KCNG3: variants seen among roughly 807,000 people sequenced by gnomAD.
The protein encoded by KCNG3 is voltage-gated potassium channel regulatory subunit KCNG3.
Under a neutral mutation model 29.0 loss-of-function variants are expected in KCNG3, and 15 were observed. The ratio of observed to expected loss-of-function variants is 0.52; its 90% confidence interval spans 0.35 to 0.80. The LOEUF is 0.80. Ranked by LOEUF, KCNG3 falls within the 30% of genes least tolerant of loss-of-function variation. The probability of loss-of-function intolerance (pLI) is 0.01; values close to 1 mark genes in which losing one functional copy is unlikely to be tolerated. For synonymous variants in KCNG3, 322 were observed against 248.9 expected (o/e 1.29, Z -2.76); for missense variants, 512 against 605.7 (o/e 0.85, Z 1.62).
rs182326472 is a variant in KCNG3 at position 42,462,527 on chromosome 2, C to A, written c.666-17948G>T. Among the ~76,000 whole-genome samples the A allele has an allele frequency of 2.1e-3, 315 of 152,064 alleles. 1 individual carries two copies. The highest frequency in any genetic ancestry group is 3.1e-3 in the Non-Finnish European group (214 of 67,984). On this transcript the variant is annotated intron_variant, in intron 1 of 1. Transcript: ENST00000306078. Reference sequence around the variant, plus strand: ...TTAAACCCCGTCTCTACTAAAAATACAAAAATTAGCCGGGCGTGGTGGCAC... The same window carrying A: ...TTAAACCCCGTCTCTACTAAAAATAAAAAAATTAGCCGGGCGTGGTGGCAC...
At chr2:42,421,681 T>TGC in the KCNG3 span, among the ~76,000 whole-genome samples, 1 of 152,128 alleles carries the variant, frequency 6.6e-6, no homozygotes, top group Non-Finnish European at 1.5e-5. Context: ...CACTAGGAGT[T>TGC]GCAAATGGAG....
chr2:42,451,334 T>G (rs1201106233), intron 1 of KCNG3, among the ~76,000 whole-genome samples: 1 of 152,024 alleles, frequency 6.6e-6, no homozygotes, highest in African/African-American at 2.4e-5. Context: ...TCTCAGCACT[T>G]TGGGAGGCTG....
At chr2:42,468,206 T>C (rs184452528) in intron 1 of KCNG3, among the ~76,000 whole-genome samples, 1 of 152,268 alleles carries the variant, frequency 6.6e-6, no homozygotes, top group Admixed American at 6.5e-5. Flanking sequence ...AAGACAAAGG[T>C]ATTATAAAGG....
the KCNG3 span, among the ~76,000 whole-genome samples, chr2:42,436,389 T>A: frequency 1.3e-5 from 2 of 152,194 alleles, no homozygotes; most frequent in Non-Finnish European, 2.9e-5. Context: ...ACGAATTATG[T>A]CTCATCTTTT....
At chr2:42,462,336 C>G (rs1252631417) in intron 1 of KCNG3, among the ~76,000 whole-genome samples, 1 of 152,238 alleles carries the variant, frequency 6.6e-6, no homozygotes, top group Non-Finnish European at 1.5e-5. Flanking sequence ...CTATCACACC[C>G]TGCAGACCTT....
At chr2:42,491,330 T>C (rs1673871157) in intron 1 of KCNG3, among the ~76,000 whole-genome samples, 2 of 152,150 alleles carry the variant, frequency 1.3e-5, no homozygotes, top group Admixed American at 1.3e-4. Context: ...ATTTGAGGTA[T>C]TTTACTGGTT....
At chr2:42,490,190 G>C (rs995199931) in intron 1 of KCNG3, among the ~76,000 whole-genome samples, 3 of 152,054 alleles carry the variant, frequency 2.0e-5, no homozygotes, top group African/African-American at 7.2e-5. Context: ...TCTTGCCCAC[G>C]ATGTTCCTTT....
At chr2:42,460,609 C>T (rs1376071300) in intron 1 of KCNG3, among the ~76,000 whole-genome samples, 1 of 152,018 alleles carries the variant, frequency 6.6e-6, no homozygotes, top group Non-Finnish European at 1.5e-5. Flanking sequence ...GAGAAAGTGG[C>T]GATTTAATTT....
chr2:42,480,438 A>G (rs1307692507), intron 1 of KCNG3, among the ~76,000 whole-genome samples: 2 of 152,170 alleles, frequency 1.3e-5, no homozygotes, highest in African/African-American at 4.8e-5. Context: ...TGTTTCCTAT[A>G]AAGGGCCAGA....
intron 1 of KCNG3, among the ~76,000 whole-genome samples, chr2:42,461,182 C>CAA (rs34199989): frequency 0.18 from 10,419 of 56,524 alleles, 1,345 homozygotes; most frequent in East Asian, 0.38. Flanking sequence ...CAAAACAAAA[C>CAA]AAAAAAAAAA....
chr2:42,412,568 C>G, the KCNG3 span, among the ~76,000 whole-genome samples: 1 of 152,008 alleles, frequency 6.6e-6, no homozygotes, highest in African/African-American at 2.4e-5. Context: ...TATTTTAACG[C>G]TTTTATTGGA....
At chr2:42,423,978 T>C in the KCNG3 span, among the ~76,000 whole-genome samples, 6 of 152,330 alleles carry the variant, frequency 3.9e-5, no homozygotes, top group African/African-American at 1.2e-4. Context: ...AGCTAGCTCC[T>C]GTAAAATAAC....
chr2:42,399,797 G>A, the KCNG3 span, among the ~76,000 whole-genome samples: 1 of 152,126 alleles, frequency 6.6e-6, no homozygotes, highest in Non-Finnish European at 1.5e-5. Flanking sequence ...TAGGGAGAAT[G>A]GGCTTCTATG....
the KCNG3 span, among the ~76,000 whole-genome samples, chr2:42,430,843 C>G: frequency 6.6e-6 from 1 of 152,084 alleles, no homozygotes; most frequent in Non-Finnish European, 1.5e-5. Context: ...GGAGTGGTGG[C>G]TCACACATGT....
the KCNG3 span, among the ~76,000 whole-genome samples, chr2:42,418,079 T>C: frequency 1.8e-4 from 27 of 152,206 alleles, no homozygotes; most frequent in African/African-American, 4.8e-4. Context: ...TTAAGTGGCA[T>C]TAAGTATATT....
In KCNG3 at chr2:42,493,651, G is replaced by GC. The variant is rs1673982898; in HGVS notation, c.-151dup. 1 of 576,838 alleles carries GC rather than the reference G, an allele frequency of 1.7e-6. No homozygotes were observed. Among genetic ancestry groups the GC allele is most frequent in the Non-Finnish European group, 2.5e-6 (1 of 397,092 alleles). 35.7% of individuals were successfully genotyped at this position (576,838 alleles called of 1,614,324 possible). ...GGGGCTCCGCTCCTGCCCTCCGCTG[G>GC]CCCGGGGGTCCCTGGGCTCGAGTAT... On this transcript the variant is annotated 5_prime_UTR_variant, in exon 1 of 2. Coordinates refer to ENST00000306078, the MANE Select transcript of KCNG3 (RefSeq NM_133329.6).
intron 1 of KCNG3, among the ~76,000 whole-genome samples, chr2:42,477,132 C>T (rs1015513534): frequency 6.8e-6 from 1 of 146,100 alleles, no homozygotes; most frequent in Non-Finnish European, 1.5e-5. Flanking sequence ...GCGGAGGTTG[C>T]AGGGAGCTGA....
Position 42,476,957 on chromosome 2 carries a change from G to A in KCNG3, c.665+15880C>T, listed in dbSNP as rs182144324. ...TCCCAGCACTTTGGGAGGCTGAGAC[G>A]GCGAGATCACGAGGTCCGGAGATCG... is the stretch of plus-strand genomic sequence containing the variant. On this transcript the variant is annotated intron_variant, in intron 1 of 1. Coordinates refer to ENST00000306078, the MANE Select transcript of KCNG3 (RefSeq NM_133329.6). Among the ~76,000 whole-genome samples, 721 of 148,506 alleles carry A rather than the reference G, an allele frequency of 4.9e-3. 5 individuals are homozygous for A. Among genetic ancestry groups the A allele is most frequent in the Non-Finnish European group, 7.9e-3 (528 of 66,948 alleles).
the KCNG3 span, among the ~76,000 whole-genome samples, chr2:42,397,104 G>A: frequency 2.0e-5 from 3 of 152,060 alleles, no homozygotes; most frequent in Non-Finnish European, 4.4e-5. Flanking sequence ...ACTTAGCCAG[G>A]CGTGGTGGCA....
Sources: allele counts gnomAD v4.1 joint callset (sites outside exome capture counted in the v4.1 genomes callset), GRCh38; gene constraint gnomAD v4.1.1; transcripts MANE v1.5; gene names NCBI Gene and HGNC (gene_info 2026-07-23, HGNC 2026-07-21).